The following UBAP2 variants were observed in gnomAD, a reference collection of about 807,000 sequenced individuals.
UBAP2 encodes ubiquitin-associated protein 2.
In UBAP2, 75 loss-of-function variants were observed where a neutral mutation model predicts 139.6. The ratio of observed to expected loss-of-function variants is 0.54; its 90% CI spans 0.45 to 0.65. UBAP2 has a LOEUF of 0.65. Ranked by LOEUF, UBAP2 falls within the 30% of genes least tolerant of loss-of-function variation. The pLI, the probability that UBAP2 is intolerant of heterozygous loss-of-function variation, is 0.00. For synonymous variants in UBAP2, 526 were observed against 526.2 expected (o/e 1.00, Z 0.01); for missense variants, 1,368 against 1,369.6 (o/e 1.00, Z 0.02).
At position 33,953,324 on chromosome 9, in the gene UBAP2, G is replaced by A. The variant is rs1564028262; in HGVS notation, c.1017C>T (p.Gly339=). The A allele has an allele frequency of 4.3e-6, 7 of 1,614,212 alleles. No individual in the cohort carries two copies. Among genetic ancestry groups the A allele is most frequent in the South Asian group, 1.1e-5 (1 of 91,074 alleles). The part of the protein sequence containing the change: ...QHNNQMAPGT[G]SSTAVNSCSP... ...AACAGGAGTTGACGGCAGTGGAGCTGCCAGTCCCTGGTGCCATCTGATTGT... is the reference window on the plus strand; with the variant it reads ...AACAGGAGTTGACGGCAGTGGAGCTACCAGTCCCTGGTGCCATCTGATTGT... The change falls in exon 12 of 29, where the codon GGC becomes GGT. Residue 339 remains glycine (G), a synonymous_variant. Transcript: ENST00000379238.
chr9:33,947,017 T>C (rs1825702505), intron 13 of UBAP2, among the ~76,000 whole-genome samples: 1 of 152,206 alleles, frequency 6.6e-6, no homozygotes, highest in African/African-American at 2.4e-5. Context: ...GTGCTAAGAA[T>C]GTCTGTATAA....
chr9:33,936,926 CAAAAAAAAAAA>C (rs66465145), intron 16 of UBAP2, among the ~76,000 whole-genome samples: 3 of 59,788 alleles, frequency 5.0e-5, no homozygotes, highest in African/African-American at 2.2e-4. Context: ...AACTCCAGCT[CAAAAAAAAAAA>C]AAAAAAAAAA....
intron 1 of UBAP2, among the ~76,000 whole-genome samples, chr9:34,031,905 G>A (rs1176658349): frequency 6.6e-6 from 1 of 152,192 alleles, no homozygotes; most frequent in Non-Finnish European, 1.5e-5. Flanking sequence ...GGGAAGCCAA[G>A]GAGGGAGGAC....
At chr9:33,932,689 C>T (rs1212922993) in intron 18 of UBAP2, 61 bp from the exon 19 acceptor site, 8 of 1,584,318 alleles carry the variant, frequency 5.0e-6, no homozygotes, top group African/African-American at 2.7e-5. Flanking sequence ...ATGAACAAGA[C>T]GCACGTGGGT....
intron 4 of UBAP2, 102 bp downstream of exon 4, chr9:33,996,121 C>G: frequency 1.2e-6 from 1 of 812,102 alleles, no homozygotes; most frequent in Non-Finnish European, 2.0e-6. Flanking sequence ...TGGAATGGCA[C>G]CATAATCCAT....
chr9:33,988,966 T>A lies in UBAP2; in HGVS notation c.442+7A>T. 1.2e-6 allele frequency: 2 copies of A among 1,608,992 alleles called. No individual in the cohort carries two copies. The highest frequency in any genetic ancestry group is 1.1e-5 in the South Asian group (1 of 90,080). On this transcript the variant is annotated splice_region_variant and intron_variant, in intron 5 of 28. Transcript: ENST00000379238. Reference sequence around the variant, plus strand: ...GAGAAAAAACTGAGGAGAAAGTCTGTACTTACATTCTCTGCCACGATTGCC... The same window carrying A: ...GAGAAAAAACTGAGGAGAAAGTCTGAACTTACATTCTCTGCCACGATTGCC...
At chr9:33,982,714 G>A (rs1820871488) in intron 6 of UBAP2, among the ~76,000 whole-genome samples, 1 of 152,050 alleles carries the variant, frequency 6.6e-6, no homozygotes, top group South Asian at 2.1e-4. Flanking sequence ...AAACTATGGT[G>A]ATTTTACATG....
At chr9:33,973,264 T>G (rs1165052276) in intron 6 of UBAP2, 27 bp from the exon 7 acceptor site, 3 of 1,607,360 alleles carry the variant, frequency 1.9e-6, no homozygotes, top group Admixed American at 1.7e-5. Flanking sequence ...AATTATAGTA[T>G]AAAATAATAC....
At position 33,960,763 on chromosome 9, in the gene UBAP2, A is replaced by G. The variant is rs1587567970; in HGVS notation, c.798+63T>C. On this transcript the variant is annotated intron_variant, in intron 10 of 28. Transcript: ENST00000379238. ...CCATTGCATTCCAGCCTGGGCAACAAAAGTGAAATTCCATTTCAAAAAAAA... is the reference window on the plus strand; with the variant it reads ...CCATTGCATTCCAGCCTGGGCAACAGAAGTGAAATTCCATTTCAAAAAAAA... 5.9e-6 allele frequency: 9 copies of G among 1,535,920 alleles called. No individual in the cohort carries two copies. The East Asian group carries it at 2.0e-4, about 34-fold the overall frequency.
chr9:33,965,239 T>C (rs1827356780), intron 8 of UBAP2, among the ~76,000 whole-genome samples: 1 of 152,192 alleles, frequency 6.6e-6, no homozygotes, highest in Non-Finnish European at 1.5e-5. Context: ...TTACTATCCA[T>C]TTCTAGAACT....
intron 6 of UBAP2, among the ~76,000 whole-genome samples, chr9:33,978,696 C>A (rs985792232): frequency 5.3e-5 from 8 of 152,032 alleles, no homozygotes; most frequent in Non-Finnish European, 1.2e-4. Context: ...AGGAGAATGG[C>A]GTGAACCCAG....
chr9:33,969,090 GTT>G (rs11327203), intron 8 of UBAP2, among the ~76,000 whole-genome samples: 1 of 151,988 alleles, frequency 6.6e-6, no homozygotes, highest in African/African-American at 2.4e-5. Context: ...AACATTTGAG[GTT>G]TTTTCCCCCC....
chr9:33,994,475 T>C (rs1821982104), intron 4 of UBAP2: 1 of 151,626 alleles, frequency 6.6e-6, no homozygotes, highest in Non-Finnish European at 1.5e-5. Flanking sequence ...TCTTTTTTTT[T>C]TTTTTCCCTA....
chr9:33,991,931 G>A (rs1366358553), intron 4 of UBAP2, among the ~76,000 whole-genome samples: 1 of 152,140 alleles, frequency 6.6e-6, no homozygotes, highest in African/African-American at 2.4e-5. Context: ...TAAAACATCT[G>A]AGAAACACTT....
intron 6 of UBAP2, among the ~76,000 whole-genome samples, chr9:33,984,234 C>T (rs1440017745): frequency 6.6e-6 from 1 of 152,060 alleles, no homozygotes. Context: ...ATATGGTCTC[C>T]AATTTAGCCT....
At chr9:34,032,078 G>A (rs530368282) in intron 1 of UBAP2, among the ~76,000 whole-genome samples, 7 of 151,880 alleles carry the variant, frequency 4.6e-5, no homozygotes, top group Admixed American at 6.6e-5. Flanking sequence ...CCAGGATTTC[G>A]AGGCTACAGT....
At chr9:34,030,932 A>T (rs1157947889) in intron 1 of UBAP2, among the ~76,000 whole-genome samples, 1 of 151,772 alleles carries the variant, frequency 6.6e-6, no homozygotes, top group African/African-American at 2.4e-5. Context: ...TCATCTCAAA[A>T]AAATTAAACT....
chr9:33,971,762 T>A lies in UBAP2; in HGVS notation c.576-8A>T, dbSNP rs1426944833. 4 of 1,541,012 alleles carry A rather than the reference T, an allele frequency of 2.6e-6. No homozygotes were observed. The Admixed American group carries it at 6.7e-5, about 26-fold the overall frequency. ...TCTGCAGGATTAAATGTCCTGGGGT[T>A]TGAAATAAAGAAATAATAAAGGCAA... On this transcript the variant is annotated splice_polypyrimidine_tract_variant and splice_region_variant and intron_variant, in intron 7 of 28. Transcript: ENST00000379238.
At chr9:33,948,877 C>T (rs756732359) in intron 12 of UBAP2, 88 of 301,982 alleles carry the variant, frequency 2.9e-4, no homozygotes, top group Admixed American at 6.0e-4. Flanking sequence ...TGGCCGGGCG[C>T]GGTGGCTCAC....
Sources: gnomAD v4.1 joint callset for allele counts (sites outside exome capture counted in the v4.1 genomes callset) on GRCh38, gnomAD v4.1.1 for gene constraint, MANE v1.5 for transcripts, NCBI Gene and HGNC (gene_info 2026-07-23, HGNC 2026-07-21) for gene names.